Variants in CELSR1 observed in about 807,000 individuals in gnomAD.
CELSR1 encodes adhesion G protein-coupled receptor C1.
Under a neutral mutation model 249.1 loss-of-function variants are expected in CELSR1, and 110 were observed. The observed-to-expected ratio is 0.44, with a 90% CI of 0.38 to 0.52. The LOEUF (loss-of-function observed/expected upper bound fraction) is 0.52, where lower values mean the gene tolerates loss of function less well. CELSR1 is among the 20% of genes least tolerant of loss of function. The probability of loss-of-function intolerance (pLI) is 0.00; values close to 1 mark genes in which losing one functional copy is unlikely to be tolerated. For synonymous variants in CELSR1, 2,113 were observed against 1,900.0 expected, an observed-to-expected ratio of 1.11 and a Z score of -2.92; for missense variants, 4,109 against 4,296.4, an observed-to-expected ratio of 0.96 and a Z score of 1.22.
chr22:46,393,981 A>T lies in CELSR1; in HGVS notation c.5964+161T>A, dbSNP rs138218837. Among the ~76,000 whole-genome samples the T allele has an allele frequency of 6.6e-6, 1 of 152,296 alleles. No homozygotes were observed. The highest frequency in any genetic ancestry group is 1.9e-4 in the East Asian group (1 of 5,184). ...CGGGGGAGCAGCAAGGAAACCAAAA[A>T]CCACATCTGTACACAAATGTGATGT... On this transcript the variant is annotated intron_variant, in intron 14 of 34. Coordinates refer to ENST00000674500, the MANE Select transcript of CELSR1 (RefSeq NM_001378328.1). This position sits in a 1 kb window ranked among gnomAD's most constrained non-coding sequence, Gnocchi z 4.1.
chr22:46,523,562 A>AT (rs2080707512), intron 1 of CELSR1, among the ~76,000 whole-genome samples: 1 of 146,276 alleles, frequency 6.8e-6, no homozygotes, highest in Non-Finnish European at 1.5e-5. Flanking sequence ...AAATAAATAA[A>AT]ATAAAAAGAA....
rs2078898489 is a variant in CELSR1 at position 46,374,707 on chromosome 22, G to A, written c.7585-1650C>T. 6.6e-6 allele frequency among the ~76,000 whole-genome samples: 1 copy of A among 152,172 alleles called. No homozygotes were observed. The highest frequency in any genetic ancestry group is 1.5e-5 in the Non-Finnish European group (1 of 68,018). ...ACCGACTCCCCTCTCCCCCATTCAC[G>A]CCACTCAAAAGCACACTAGAGGGGT... On this transcript the variant is annotated intron_variant, in intron 24 of 34. Transcript: ENST00000674500. This position sits in a 1 kb window ranked among gnomAD's most constrained non-coding sequence, Gnocchi z 4.3.
chr22:46,373,731 G>A (rs1210912577), intron 24 of CELSR1, among the ~76,000 whole-genome samples: 3 of 148,714 alleles, frequency 2.0e-5, no homozygotes, highest in African/African-American at 5.2e-5. Context: ...TGGGAGCAAT[G>A]GGAGCAATAG....
Position 46,527,852 on chromosome 22 carries a change from T to C in CELSR1, c.3544+5775A>G, listed in dbSNP as rs2080753392. ...GGCTCACGCCTGTAATCCCAGCATTTTGGGAGGCTGAGGCGGGCGGATAGC... is the reference window on the plus strand; with the variant it reads ...GGCTCACGCCTGTAATCCCAGCATTCTGGGAGGCTGAGGCGGGCGGATAGC... On this transcript the variant is annotated intron_variant, in intron 1 of 34. Coordinates refer to ENST00000674500, the MANE Select transcript of CELSR1 (RefSeq NM_001378328.1). This position sits in a 1 kb window ranked among gnomAD's most constrained non-coding sequence, Gnocchi z 5.5. 6.6e-6 allele frequency among the ~76,000 whole-genome samples: 1 copy of C among 152,064 alleles called. No homozygotes were observed.
rs1310916054 is a variant in CELSR1, at chr22:46,427,928, G to A, written c.4611+5465C>T. Among the ~76,000 whole-genome samples, 1 of 152,140 alleles carries A rather than the reference G, an allele frequency of 6.6e-6. No individual in the cohort carries two copies. Among genetic ancestry groups the A allele is most frequent in the East Asian group, 1.9e-4 (1 of 5,178 alleles). ...AGTTTTTAGAACATGTGCAGAAACG[G>A]AGAAGCTCCCCCGACCCCAGGGGTG... On this transcript the variant is annotated intron_variant, in intron 5 of 34. Coordinates refer to ENST00000674500, the MANE Select transcript of CELSR1 (RefSeq NM_001378328.1). The surrounding 1 kb of genome is among the most constrained non-coding windows in gnomAD (Gnocchi z 4.2).
rs1665215101 is a variant in CELSR1, at chr22:46,484,331, G to A, written c.3545-19986C>T. 6.6e-6 allele frequency among the ~76,000 whole-genome samples: 1 copy of A among 152,140 alleles called. No homozygotes were observed. The highest frequency in any genetic ancestry group is 2.4e-5 in the African/African-American group (1 of 41,448). On this transcript the variant is annotated intron_variant, in intron 1 of 34. Coordinates refer to ENST00000674500, the MANE Select transcript of CELSR1 (RefSeq NM_001378328.1). The surrounding 1 kb of genome is among the most constrained non-coding windows in gnomAD (Gnocchi z 4.5). ...TCCCTCCTTCCACCAGCCCAGCCCA[G>A]CCCATGGTGGCAGCTGCCTCGGGCC... is the stretch of plus-strand genomic sequence containing the variant.
rs535904044 is a variant in CELSR1, at chr22:46,518,381, T to G, written c.3544+15246A>C. Among the ~76,000 whole-genome samples, 9 of 152,254 alleles carry G rather than the reference T, an allele frequency of 5.9e-5. No individual in the cohort carries two copies. In the South Asian group the frequency reaches 1.9e-3, roughly 32 times the overall value. ...TTAGAGGAGAACGAAGGGAGTGGGC[T>G]CCCACAGACCACATTGCACTGCGAC... On this transcript the variant is annotated intron_variant, in intron 1 of 34. Coordinates refer to ENST00000674500, the MANE Select transcript of CELSR1 (RefSeq NM_001378328.1). This position sits in a 1 kb window ranked among gnomAD's most constrained non-coding sequence, Gnocchi z 5.2.
At position 46,439,687 on chromosome 22, in the gene CELSR1, G is replaced by T. The variant is rs117354828; in HGVS notation, c.4184-276C>A. Among the ~76,000 whole-genome samples, 655 of 152,224 alleles carry T rather than the reference G, an allele frequency of 4.3e-3. 32 individuals carry two copies. In the East Asian group the frequency reaches 0.11, roughly 25 times the overall value. The stretch of plus-strand genomic sequence containing the variant: ...CCAAAAAGCACTCTGTGGGGTCAAA[G>T]AAATGGCAGCAATGAGCCCTTCCCA... On this transcript the variant is annotated intron_variant, in intron 2 of 34. Coordinates refer to ENST00000674500, the MANE Select transcript of CELSR1 (RefSeq NM_001378328.1).
intron 5 of CELSR1, among the ~76,000 whole-genome samples, chr22:46,419,032 G>A (rs1652558425): frequency 6.6e-6 from 1 of 152,172 alleles, no homozygotes; most frequent in South Asian, 2.1e-4. Flanking sequence ...AGTTAATTTT[G>A]TTCTGGAAAT....
chr22:46,487,787 A>G (rs1361817834), intron 1 of CELSR1, among the ~76,000 whole-genome samples: 1 of 126,462 alleles, frequency 7.9e-6, no homozygotes. Flanking sequence ...GGAGTCCAGG[A>G]TACTGACGGA....
At chr22:46,467,860 C>T (rs972335858) in intron 1 of CELSR1, among the ~76,000 whole-genome samples, 5 of 151,894 alleles carry the variant, frequency 3.3e-5, no homozygotes, top group Non-Finnish European at 7.4e-5. Context: ...GATGCTGCAG[C>T]GACTCCTACA....
chr22:46,382,339 GCC>G (rs2078987577), intron 20 of CELSR1, among the ~76,000 whole-genome samples: 1 of 151,940 alleles, frequency 6.6e-6, no homozygotes, highest in African/African-American at 2.4e-5. Flanking sequence ...GTGCAGTGGC[GCC>G]ATCTCGGCTC....
rs562898241 is a variant in CELSR1, at chr22:46,534,062, G to T, written c.3109C>A (p.Gln1037Lys). 79 of 1,613,758 alleles carry T rather than the reference G, an allele frequency of 4.9e-5. No individual in the cohort carries two copies. The Admixed American group carries it at 1.2e-3, about 25-fold the overall frequency. ...DEGPNAQIMY[Q>K]IVEGDMRHFF... ...TGCCGCATGTCCCCTTCCACAATCT[G>T]ATACATGATCTGGGCATTAGGGCCT... Residue 1037 changes from glutamine to lysine, a missense_variant, in exon 1 of 35, where the codon CAG (glutamine) becomes AAG (lysine). Physicochemically the swap from Gln to Lys is moderately conservative, Grantham distance 53. Transcript: ENST00000674500. This position sits in a 1 kb window ranked among gnomAD's most constrained non-coding sequence, Gnocchi z 9.7.
chr22:46,456,532 G>A (rs898160061), intron 2 of CELSR1, among the ~76,000 whole-genome samples: 26 of 151,938 alleles, frequency 1.7e-4, no homozygotes, highest in Non-Finnish European at 2.8e-4. Context: ...GCGTGGTGGT[G>A]GGCACCTGTA....
At chr22:46,476,691 G>A (rs1602189399) in intron 1 of CELSR1, among the ~76,000 whole-genome samples, 2 of 151,948 alleles carry the variant, frequency 1.3e-5, no homozygotes, top group East Asian at 3.9e-4. Flanking sequence ...GACACGAAAG[G>A]CCACATAATC....
chr22:46,429,767 C>T lies in CELSR1; in HGVS notation c.4611+3626G>A, dbSNP rs540117171. ...TTAGCTGTGCCCCTCCTGGGTGGTC[C>T]GCAGCCCTCTCCTGTGGCTTCTGAC... On this transcript the variant is annotated intron_variant, in intron 5 of 34. Transcript: ENST00000674500. This position sits in a 1 kb window ranked among gnomAD's most constrained non-coding sequence, Gnocchi z 4.1. Among the ~76,000 whole-genome samples the T allele has an allele frequency of 6.6e-6, 1 of 152,294 alleles. No homozygotes were observed. Among genetic ancestry groups the T allele is most frequent in the East Asian group, 1.9e-4 (1 of 5,174 alleles).
Position 46,434,272 on chromosome 22 carries a change from C to T in CELSR1, c.4523-791G>A, listed in dbSNP as rs1254462524. ...TCTGTCATTTCCACCCCTTGAGCTC[C>T]TGCTGGAGTGGGGCGGGCGAGTCCC... is the stretch of plus-strand genomic sequence containing the variant. On this transcript the variant is annotated intron_variant, in intron 4 of 34. Coordinates refer to ENST00000674500, the MANE Select transcript of CELSR1 (RefSeq NM_001378328.1). The surrounding 1 kb of genome is among the most constrained non-coding windows in gnomAD (Gnocchi z 4.9). Among the ~76,000 whole-genome samples the T allele has an allele frequency of 6.6e-6, 1 of 152,240 alleles. No homozygotes were observed. Among genetic ancestry groups the T allele is most frequent in the Non-Finnish European group, 1.5e-5 (1 of 68,046 alleles).
intron 2 of CELSR1, among the ~76,000 whole-genome samples, chr22:46,455,976 A>C (rs1435379431): frequency 6.6e-6 from 1 of 152,260 alleles, no homozygotes; most frequent in Admixed American, 6.5e-5. Flanking sequence ...AATGCAAAAG[A>C]CTTGAGAAGC....
rs1241060170 is a variant in CELSR1, at chr22:46,454,330, C to T, written c.4183+9377G>A. 6.6e-6 allele frequency among the ~76,000 whole-genome samples: 1 copy of T among 152,192 alleles called. No homozygotes were observed. Among genetic ancestry groups the T allele is most frequent in the African/African-American group, 2.4e-5 (1 of 41,442 alleles). On this transcript the variant is annotated intron_variant, in intron 2 of 34. Coordinates refer to ENST00000674500, the MANE Select transcript of CELSR1 (RefSeq NM_001378328.1). The surrounding 1 kb of genome is among the most constrained non-coding windows in gnomAD (Gnocchi z 5.1). Reference sequence around the variant, plus strand: ...AAGCCCCTCGTGTGTGGAAATGTTACAGCGGCCACAGGAGACTCGTGCAGG... The same window carrying T: ...AAGCCCCTCGTGTGTGGAAATGTTATAGCGGCCACAGGAGACTCGTGCAGG...
Sources: gnomAD v4.1 joint callset for allele counts (sites outside exome capture counted in the v4.1 genomes callset) on GRCh38, gnomAD v4.1.1 for gene constraint, Gnocchi (gnomAD v3.1) non-coding constraint, MANE v1.5 for transcripts, NCBI Gene and HGNC (gene_info 2026-07-23, HGNC 2026-07-21) for gene names.